Variants in THSD4 observed in about 807,000 individuals in gnomAD.
THSD4 encodes the protein thrombospondin type-1 domain-containing protein 4.
Under a neutral mutation model 119.0 loss-of-function variants are expected in THSD4, and 69 were observed. That is an observed-to-expected ratio of 0.58 (90% CI 0.48 to 0.71). THSD4 has a LOEUF of 0.71. THSD4 is among the 30% of genes least tolerant of loss of function. The pLI is 0.00. For synonymous variants in THSD4, 524 were observed against 540.4 expected (o/e 0.97, Z 0.42); for missense variants, 1,393 against 1,391.1 (o/e 1.00, Z -0.02).
At chr15:71,691,745 A>C (rs2052054831) in intron 8 of THSD4, among the ~76,000 whole-genome samples, 1 of 152,016 alleles carries the variant, frequency 6.6e-6, no homozygotes, top group Non-Finnish European at 1.5e-5. Flanking sequence ...AGGGTGTGAG[A>C]GAGATTGACA....
intron 8 of THSD4, among the ~76,000 whole-genome samples, chr15:71,676,194 A>G (rs995738519): frequency 4.6e-5 from 7 of 152,238 alleles, no homozygotes. Context: ...GTGGTAAAAT[A>G]TATATAAACA....
intron 6 of THSD4, among the ~76,000 whole-genome samples, chr15:71,390,801 C>T (rs2046366003): frequency 1.4e-5 from 2 of 146,786 alleles, no homozygotes; most frequent in Non-Finnish European, 3.0e-5. Context: ...GAAAATTTGT[C>T]TCTTTTTCCG....
rs184293735 is a variant in THSD4 at position 71,667,876 on chromosome 15, G to C, written c.1357+7142G>C. Among the ~76,000 whole-genome samples the C allele has an allele frequency of 1.1e-3, 165 of 152,180 alleles. 2 individuals carry two copies. The highest frequency in any genetic ancestry group is 3.8e-3 in the African/African-American group (158 of 41,538). On this transcript the variant is annotated intron_variant, in intron 8 of 17. Coordinates refer to ENST00000261862, the MANE Select transcript of THSD4 (RefSeq NM_024817.3). ...GACTACTTGAAGGTAAATAACCACT[G>C]TTCACAGTTCATTGTGTATTCTCCA...
chr15:71,602,290 A>G (rs2050025425), intron 7 of THSD4, among the ~76,000 whole-genome samples: 2 of 152,162 alleles, frequency 1.3e-5, no homozygotes, highest in Non-Finnish European at 2.9e-5. Flanking sequence ...GCAGTGGCTC[A>G]TGCCTCTAAT....
At chr15:71,540,070 A>G (rs1466084001) in intron 7 of THSD4, among the ~76,000 whole-genome samples, 1 of 151,958 alleles carries the variant, frequency 6.6e-6, no homozygotes, top group Non-Finnish European at 1.5e-5. Context: ...GGGAGCAAGG[A>G]GGACTTGTGC....
At chr15:71,262,423 A>G (rs1413990485) in intron 6 of THSD4, among the ~76,000 whole-genome samples, 1 of 152,134 alleles carries the variant, frequency 6.6e-6, no homozygotes, top group Non-Finnish European at 1.5e-5. Flanking sequence ...CATTACACCG[A>G]GCATGGGCAG....
intron 7 of THSD4, among the ~76,000 whole-genome samples, chr15:71,562,754 G>A (rs1303302275): frequency 6.7e-6 from 1 of 148,442 alleles, no homozygotes; most frequent in Non-Finnish European, 1.5e-5. Context: ...CCAAGCTGGA[G>A]TACAATGGCG....
At chr15:71,554,434 C>A (rs1162836466) in intron 7 of THSD4, among the ~76,000 whole-genome samples, 1 of 152,004 alleles carries the variant, frequency 6.6e-6, no homozygotes, top group African/African-American at 2.4e-5. Flanking sequence ...GTCACCCAGG[C>A]TGGAAGTGCA....
intron 6 of THSD4, among the ~76,000 whole-genome samples, chr15:71,270,133 A>G (rs2044511406): frequency 1.3e-5 from 2 of 152,226 alleles, no homozygotes; most frequent in South Asian, 4.1e-4. Flanking sequence ...AAAAGAGCCC[A>G]TATAGCCAAG....
chr15:71,336,016 A>G (rs148539277), intron 6 of THSD4, among the ~76,000 whole-genome samples: 182 of 152,270 alleles, frequency 1.2e-3, no homozygotes, highest in Non-Finnish European at 2.0e-3. Flanking sequence ...AAGAATCTCA[A>G]TCATTGGGGA....
At chr15:71,736,490 T>C (rs1298172201) in intron 10 of THSD4, among the ~76,000 whole-genome samples, 2 of 151,994 alleles carry the variant, frequency 1.3e-5, no homozygotes, top group Non-Finnish European at 2.9e-5. Flanking sequence ...TCTCTGTCTC[T>C]GTGTCTCTGT....
At chr15:71,500,083 T>C (rs1481063109) in intron 7 of THSD4, among the ~76,000 whole-genome samples, 1 of 152,168 alleles carries the variant, frequency 6.6e-6, no homozygotes, top group African/African-American at 2.4e-5. Context: ...AGCTGCACCA[T>C]TTTACATTCC....
At chr15:71,114,814 C>T (rs907166346), upstream of THSD4, 18 of 152,222 alleles carry the variant, frequency 1.2e-4, no homozygotes, top group African/African-American at 4.1e-4. Context: ...CCGAACGGCT[C>T]TGGCCGTCAG....
intron 17 of THSD4, among the ~76,000 whole-genome samples, chr15:71,775,811 G>A (rs2053902772): frequency 6.6e-6 from 1 of 152,208 alleles, no homozygotes; most frequent in Non-Finnish European, 1.5e-5. Context: ...GATTAACCAT[G>A]TTGAGGGACT....
intron 6 of THSD4, among the ~76,000 whole-genome samples, chr15:71,364,458 C>T (rs917090105): frequency 2.0e-5 from 3 of 152,152 alleles, no homozygotes; most frequent in East Asian, 3.9e-4. Context: ...AGCTATGTGC[C>T]CTTGAGCAAG....
chr15:71,767,293 C>G (rs1220035572), intron 16 of THSD4: 1 of 152,028 alleles, frequency 6.6e-6, no homozygotes, highest in Non-Finnish European at 1.5e-5. Flanking sequence ...AAGCAATCCC[C>G]CAGAACTGAA....
intron 6 of THSD4, among the ~76,000 whole-genome samples, chr15:71,267,714 C>T (rs184252447): frequency 1.2e-3 from 180 of 152,164 alleles, no homozygotes; most frequent in African/African-American, 4.2e-3. Flanking sequence ...TTCAGGAGAC[C>T]CATCTCATGT....
chr15:71,702,619 T>C (rs2052314546), intron 8 of THSD4, among the ~76,000 whole-genome samples: 1 of 152,212 alleles, frequency 6.6e-6, no homozygotes, highest in African/African-American at 2.4e-5. Context: ...AACATGATTA[T>C]GTCTCTTCAT....
At chr15:71,587,404 A>G (rs1316122757) in intron 7 of THSD4, among the ~76,000 whole-genome samples, 1 of 117,950 alleles carries the variant, frequency 8.5e-6, no homozygotes, top group Non-Finnish European at 1.9e-5. Flanking sequence ...CTGGATTAAG[A>G]AAATGTGGCA....
Sources: gnomAD v4.1 joint callset for allele counts (sites outside exome capture counted in the v4.1 genomes callset) on GRCh38, gnomAD v4.1.1 for gene constraint, MANE v1.5 for transcripts, NCBI Gene and HGNC (gene_info 2026-07-23, HGNC 2026-07-21) for gene names.